Variants in KANSL1 observed in about 807,000 individuals in gnomAD.
KANSL1 encodes MLL1/MLL complex subunit KANSL1.
KANSL1 carries 22 observed loss-of-function variants against 103.6 expected under a neutral mutation model. The ratio of observed to expected loss-of-function variants is 0.21; its 90% CI spans 0.15 to 0.30. The LOEUF (loss-of-function observed/expected upper bound fraction) is 0.30. Ranked by LOEUF, KANSL1 falls within the 10% of genes least tolerant of loss-of-function variation. The pLI, the probability that KANSL1 is intolerant of heterozygous loss-of-function variation, is 1.00. For synonymous variants in KANSL1, 600 were observed against 527.6 expected (o/e 1.14, Z -1.88); for missense variants, 1,337 against 1,399.8 (o/e 0.96, Z 0.72).
chr17:46,137,394 C>T (rs1340191604), intron 2 of KANSL1, among the ~76,000 whole-genome samples: 1 of 152,242 alleles, frequency 6.6e-6, no homozygotes, highest in African/African-American at 2.4e-5. Flanking sequence ...ATATTTATCA[C>T]ATACAACTTA....
chr17:46,034,585 TG>T (rs1336009984), intron 10 of KANSL1: 1 of 347,954 alleles, frequency 2.9e-6, no homozygotes, highest in African/African-American at 2.2e-5. Flanking sequence ...TCTTAACTGT[TG>T]GGGTTCCTAC....
upstream of KANSL1, chr17:46,196,668 T>C (rs185336256): frequency 6.8e-6 from 2 of 295,020 alleles, no homozygotes; most frequent in Non-Finnish European, 1.3e-5. Context: ...CATTTATTAA[T>C]TGCTTAAGCC....
rs749406954 is a variant in KANSL1, at chr17:46,058,710, AACACAC to A, written c.1848+7821_1848+7826del. On this transcript the variant is annotated intron_variant, in intron 6 of 14. Coordinates refer to ENST00000432791, the MANE Select transcript of KANSL1 (RefSeq NM_015443.4). ...CACTAATTGGAAAAGCCAGATTTAAAACACACACACACACACACACACACACACACA... is the reference window on the plus strand; with the variant it reads ...CACTAATTGGAAAAGCCAGATTTAAAACACACACACACACACACACACACA... Among the ~76,000 whole-genome samples the A allele has an allele frequency of 1.2e-3, 147 of 124,432 alleles. 1 individual carries two copies. In the East Asian group the frequency reaches 0.016, roughly 14 times the overall value. The allele number at this position is 124,432 out of a possible 152,430, so 81.6% of individuals were successfully genotyped here.
chr17:46,050,147 C>T (rs533584512), intron 7 of KANSL1: 41 of 171,716 alleles, frequency 2.4e-4, no homozygotes, highest in Admixed American at 6.0e-4. Flanking sequence ...AACTCCTGAC[C>T]TCAGGTGATC....
chr17:46,056,282 A>T (rs62060765), intron 6 of KANSL1, among the ~76,000 whole-genome samples: 1 of 152,124 alleles, frequency 6.6e-6, no homozygotes, highest in Non-Finnish European at 1.5e-5. Context: ...AACAAGTGTG[A>T]GCCACCGTGC....
At chr17:46,077,416 A>G (rs187169369) in intron 4 of KANSL1, among the ~76,000 whole-genome samples, 54 of 152,274 alleles carry the variant, frequency 3.5e-4, no homozygotes, top group African/African-American at 1.2e-3. Flanking sequence ...ACTTTCACCA[A>G]GTAGTGTGAT....
chr17:46,108,202 A>G (rs988615177), intron 2 of KANSL1, among the ~76,000 whole-genome samples: 1 of 152,152 alleles, frequency 6.6e-6, no homozygotes. Context: ...AAGGCCTCAA[A>G]CAGAGAGCCT....
chr17:46,152,473 C>T (rs1335832965), intron 2 of KANSL1, among the ~76,000 whole-genome samples: 6 of 152,054 alleles, frequency 3.9e-5, no homozygotes, highest in African/African-American at 1.4e-4. Flanking sequence ...CCTAAAAATG[C>T]CTTTGAAGCA....
intron 2 of KANSL1, among the ~76,000 whole-genome samples, chr17:46,120,253 C>G (rs1300425713): frequency 6.6e-6 from 1 of 152,140 alleles, no homozygotes; most frequent in Non-Finnish European, 1.5e-5. Context: ...TAGACAAAAT[C>G]TGAATGCCAA....
intron 6 of KANSL1, 131 bp downstream of exon 6, chr17:46,066,406 T>C: frequency 1.5e-6 from 1 of 654,698 alleles, no homozygotes; most frequent in African/African-American, 1.8e-5. Context: ...AGGAACCTAG[T>C]ATTTTATAAA....
At chr17:46,097,630 T>C (rs548333740) in intron 2 of KANSL1, among the ~76,000 whole-genome samples, 1 of 152,372 alleles carries the variant, frequency 6.6e-6, no homozygotes, top group South Asian at 2.1e-4. Flanking sequence ...TGGGGATACA[T>C]GGTGTCTACT....
chr17:46,213,344 A>G (rs932956302), intron 1 of KANSL1, among the ~76,000 whole-genome samples: 5 of 152,176 alleles, frequency 3.3e-5, no homozygotes, highest in African/African-American at 1.2e-4. Flanking sequence ...TCTGTGGCCC[A>G]GGCTGGAGAG....
At chr17:46,195,144 T>C (rs1047535279), upstream of KANSL1, among the ~76,000 whole-genome samples, 4 of 152,252 alleles carry the variant, frequency 2.6e-5, no homozygotes, top group Non-Finnish European at 5.9e-5. Flanking sequence ...TAGAAGGGTA[T>C]TGGACCAACA....
rs574672233 is a variant in KANSL1, at chr17:46,211,227, C to CAAAAAA, written c.-90+12438_-90+12443dup. ...CCTAAAGACAATGTGATGTTCTATGCAAAAAAAAAAAAAAAAAAAGGGAGG... is the reference window on the plus strand; with the variant it reads ...CCTAAAGACAATGTGATGTTCTATGCAAAAAAAAAAAAAAAAAAAAAAAAAGGGAGG... On this transcript the variant is annotated intron_variant, in intron 1 of 14. Coordinates refer to the KANSL1 transcript ENST00000572904. 6.6e-3 allele frequency among the ~76,000 whole-genome samples: 678 copies of CAAAAAA among 102,224 alleles called. 6 individuals carry two copies. The highest frequency in any genetic ancestry group is 0.01 in the Non-Finnish European group (530 of 52,318). 67.1% of individuals were successfully genotyped at this position (102,224 alleles called of 152,430 possible). A position where few individuals can be genotyped will look rare whatever the true frequency, so the allele number is the denominator to read the frequency against.
chr17:46,045,580 T>C (rs2077477511), intron 7 of KANSL1: 1 of 151,528 alleles, frequency 6.6e-6, no homozygotes, highest in African/African-American at 2.4e-5. Flanking sequence ...TGCAGGAAAA[T>C]AAAAACCATA....
intron 1 of KANSL1, among the ~76,000 whole-genome samples, chr17:46,219,948 A>C (rs2048470428): frequency 1.3e-5 from 2 of 151,950 alleles, no homozygotes; most frequent in South Asian, 4.1e-4. Context: ...CTAAAAATAC[A>C]AAAAATTAGC....
intron 7 of KANSL1, among the ~76,000 whole-genome samples, chr17:46,048,243 C>T (rs935408026): frequency 3.9e-5 from 6 of 152,064 alleles, no homozygotes; most frequent in African/African-American, 1.2e-4. Flanking sequence ...AATACACAAA[C>T]AGCCATAACA....
intron 1 of KANSL1, among the ~76,000 whole-genome samples, chr17:46,189,548 C>T (rs1480089500): frequency 1.3e-5 from 2 of 152,094 alleles, no homozygotes; most frequent in Middle Eastern, 3.2e-3. Flanking sequence ...TTTAGAAAAT[C>T]CAGTGTGGAT....
At position 46,039,208 on chromosome 17, in the gene KANSL1, G is replaced by A. The variant is rs746291446; in HGVS notation, c.2211C>T (p.Ser737=). The part of the protein sequence containing the change: ...VSSFLTTAKL[S]HHQTRPDRTH... Reference sequence around the variant, plus strand: ...TCCTGTCAGGCCGGGTTTGGTGATGGGACAGCTCTGAAGAGGGGAACAGAA... The same window carrying A: ...TCCTGTCAGGCCGGGTTTGGTGATGAGACAGCTCTGAAGAGGGGAACAGAA... Residue 737 remains serine (S), a synonymous_variant, in exon 9 of 15, where the codon TCC becomes TCT. Coordinates refer to ENST00000432791, the MANE Select transcript of KANSL1 (RefSeq NM_015443.4). The A allele has an allele frequency of 6.3e-7, 1 of 1,579,744 alleles. No homozygotes were observed. The highest frequency in any genetic ancestry group is 8.6e-7 in the Non-Finnish European group (1 of 1,168,172).
Sources: gnomAD v4.1 joint callset for allele counts (sites outside exome capture counted in the v4.1 genomes callset) on GRCh38, gnomAD v4.1.1 for gene constraint, MANE v1.5 for transcripts, NCBI Gene and HGNC (gene_info 2026-07-23, HGNC 2026-07-21) for gene names.